The following DCC variants were observed in gnomAD, a reference collection of about 807,000 sequenced individuals.
DCC encodes the protein DCC netrin 1 receptor, also known as netrin receptor DCC.
DCC carries 58 observed loss-of-function variants against 172.5 expected under a neutral mutation model. The observed-to-expected ratio is 0.34, with a 90% confidence interval of 0.27 to 0.42. DCC has a LOEUF of 0.42. Ranked by LOEUF, DCC falls within the 10% of genes least tolerant of loss-of-function variation. The pLI is 1.00. For missense variants in DCC, 1,740 were observed against 1,791.0 expected (o/e 0.97, Z 0.51); for synonymous variants, 709 against 644.5 (o/e 1.10, Z -1.52).
intron 1 of DCC, among the ~76,000 whole-genome samples, chr18:52,584,706 A>ATT (rs200776292): frequency 4.1e-5 from 6 of 145,068 alleles, no homozygotes; most frequent in Admixed American, 6.9e-5. Context: ...TGCCCAGATA[A>ATT]TTTTTTTTTT....
intron 1 of DCC, among the ~76,000 whole-genome samples, chr18:52,394,813 G>T (rs552687301): frequency 6.6e-6 from 1 of 152,170 alleles, no homozygotes; most frequent in East Asian, 1.9e-4. Flanking sequence ...TTAACCTGAG[G>T]TTTGGGCTTG....
chr18:52,773,769 T>C (rs2037381785), intron 2 of DCC, among the ~76,000 whole-genome samples: 2 of 152,224 alleles, frequency 1.3e-5, no homozygotes, highest in South Asian at 4.1e-4. Context: ...CCTCAGGTGA[T>C]CTGCCTGCCT....
At chr18:53,247,570 C>T (rs1568389366) in intron 12 of DCC, among the ~76,000 whole-genome samples, 1 of 121,394 alleles carries the variant, frequency 8.2e-6, no homozygotes, top group East Asian at 3.2e-4. Flanking sequence ...GTTGCTAATA[C>T]TTTGTTTATT....
At chr18:53,332,999 G>A (rs2057547628) in intron 14 of DCC, among the ~76,000 whole-genome samples, 1 of 152,034 alleles carries the variant, frequency 6.6e-6, no homozygotes, top group African/African-American at 2.4e-5. Flanking sequence ...GAGTCCTAGA[G>A]GTCAGGGCTG....
chr18:52,638,521 C>T (rs545565639), intron 1 of DCC, among the ~76,000 whole-genome samples: 5 of 151,988 alleles, frequency 3.3e-5, no homozygotes, highest in Non-Finnish European at 5.9e-5. Flanking sequence ...ACACCAAAAG[C>T]GAGCTATTTT....
intron 1 of DCC, among the ~76,000 whole-genome samples, chr18:52,403,105 G>A (rs575548598): frequency 2.0e-5 from 3 of 152,102 alleles, no homozygotes; most frequent in African/African-American, 4.8e-5. Flanking sequence ...TGGACAAAAA[G>A]CATTTGACTA....
At chr18:53,216,408 G>A (rs760463965) in intron 12 of DCC, among the ~76,000 whole-genome samples, 1 of 152,086 alleles carries the variant, frequency 6.6e-6, no homozygotes, top group Non-Finnish European at 1.5e-5. Flanking sequence ...AAATGATACA[G>A]GTCTTAGAAA....
chr18:53,169,475 G>A (rs1272973939), intron 8 of DCC, among the ~76,000 whole-genome samples: 2 of 152,116 alleles, frequency 1.3e-5, no homozygotes, highest in Non-Finnish European at 2.9e-5. Context: ...GATTCAGGCA[G>A]GCACAAGTGG....
intron 1 of DCC, among the ~76,000 whole-genome samples, chr18:52,510,845 A>T (rs1015282572): frequency 1.3e-4 from 20 of 152,162 alleles, no homozygotes; most frequent in Non-Finnish European, 2.1e-4. Flanking sequence ...ATGTTTCTGT[A>T]TGGTGAACTC....
chr18:53,111,270 G>T, intron 7 of DCC, among the ~76,000 whole-genome samples: 1 of 97,404 alleles, frequency 1.0e-5, no homozygotes, highest in Non-Finnish European at 1.9e-5. Flanking sequence ...GAGGGGGGAG[G>T]GATAGCATTA....
intron 1 of DCC, among the ~76,000 whole-genome samples, chr18:52,539,011 T>C (rs1484617634): frequency 6.6e-6 from 1 of 152,298 alleles, no homozygotes; most frequent in South Asian, 2.1e-4. Context: ...AAAATTAGCC[T>C]CTTGTTCTTT....
chr18:52,972,778 A>G (rs1230295397), intron 5 of DCC, among the ~76,000 whole-genome samples: 2 of 152,198 alleles, frequency 1.3e-5, no homozygotes, highest in African/African-American at 2.4e-5. Context: ...TGATGATGCC[A>G]TTGAAGAGAA....
At chr18:52,855,897 C>G (rs1309066358) in intron 2 of DCC, among the ~76,000 whole-genome samples, 1 of 150,532 alleles carries the variant, frequency 6.6e-6, no homozygotes, top group Non-Finnish European at 1.5e-5. Flanking sequence ...TCCTAAGTAG[C>G]TGGGATTACA....
intron 5 of DCC, among the ~76,000 whole-genome samples, chr18:52,958,039 G>A (rs1411758478): frequency 2.0e-5 from 3 of 152,152 alleles, no homozygotes; most frequent in African/African-American, 4.8e-5. Flanking sequence ...AATTAGAACA[G>A]TGGTATGGAA....
At chr18:52,362,493 C>A (rs1984661669) in intron 1 of DCC, among the ~76,000 whole-genome samples, 1 of 152,132 alleles carries the variant, frequency 6.6e-6, no homozygotes, top group Admixed American at 6.5e-5. Context: ...ATCAAGTAAT[C>A]TTTCATAAGT....
intron 5 of DCC, among the ~76,000 whole-genome samples, chr18:53,053,955 G>A (rs1258261369): frequency 6.6e-6 from 1 of 152,076 alleles, no homozygotes; most frequent in African/African-American, 2.4e-5. Flanking sequence ...TTTATTCTGT[G>A]TGATCATATA....
rs1034416875 is a variant in DCC, at chr18:53,535,685, G to A, written c.*5032G>A. On this transcript the variant is annotated 3_prime_UTR_variant, in exon 29 of 29. Transcript: ENST00000442544. The stretch of plus-strand genomic sequence containing the variant: ...TAGCATTGTTAACCAAATTAGACTA[G>A]TGATTGCAATATTTAAGTGTAAATC... The A allele has an allele frequency of 6.6e-6, 1 of 152,186 alleles. No individual in the cohort carries two copies. The highest frequency in any genetic ancestry group is 2.4e-5 in the African/African-American group (1 of 41,448). 9.4% of individuals were successfully genotyped at this position (152,186 alleles called of 1,614,324 possible).
rs201076798 is a variant in DCC, at chr18:52,379,729, A to C, written c.91+38851A>C. Among the ~76,000 whole-genome samples, 39 of 152,262 alleles carry C rather than the reference A, an allele frequency of 2.6e-4. No individual in the cohort carries two copies. In the East Asian group the frequency reaches 7.2e-3, roughly 28 times the overall value. ...CGGCTTAGTTATCAGGTTCCTGGATAATTTAGGGACAGATTGAACAGTCTG... is the reference window on the plus strand; with the variant it reads ...CGGCTTAGTTATCAGGTTCCTGGATCATTTAGGGACAGATTGAACAGTCTG... On this transcript the variant is annotated intron_variant, in intron 1 of 28. Coordinates refer to ENST00000442544, the MANE Select transcript of DCC (RefSeq NM_005215.4).
chr18:53,089,660 C>T (rs2144173130), intron 7 of DCC, among the ~76,000 whole-genome samples: 1 of 152,022 alleles, frequency 6.6e-6, no homozygotes, highest in East Asian at 1.9e-4. Context: ...TGGCCCTTGA[C>T]ACAGTGCCTA....
Sources: gnomAD v4.1 joint callset for allele counts (sites outside exome capture counted in the v4.1 genomes callset) on GRCh38, gnomAD v4.1.1 for gene constraint, MANE v1.5 for transcripts, NCBI Gene and HGNC (gene_info 2026-07-23, HGNC 2026-07-21) for gene names.